The following HELQ variants were observed in gnomAD, a reference collection of about 807,000 sequenced individuals.
The protein encoded by HELQ is helicase, POLQ like, also known as helicase POLQ-like.
A neutral mutation model predicts 111.6 loss-of-function variants in HELQ; 77 were observed. That is an observed-to-expected ratio of 0.69 (90% CI 0.57 to 0.83). The LOEUF is 0.83. HELQ is among the 40% of genes least tolerant of loss of function. HELQ has a pLI of 0.00. For synonymous variants in HELQ, 438 were observed against 454.7 expected, an observed-to-expected ratio of 0.96 and a Z score of 0.47; for missense variants, 1,200 against 1,288.5, an observed-to-expected ratio of 0.93 and a Z score of 1.05.
Position 83,453,887 on chromosome 4 carries a change from A to C in HELQ, c.356T>G (p.Phe119Cys). The C allele has an allele frequency of 6.2e-7, 1 of 1,613,978 alleles. No individual in the cohort carries two copies. Residue 119 changes from phenylalanine (F) to cysteine (C), a missense_variant, in exon 2 of 18, where the codon TTT becomes TGT. Around this residue, in one of 3 missense-constraint regions of HELQ, gnomAD observed 610 missense variants for 607.1 expected, o/e 1.00. Coordinates refer to ENST00000295488, the MANE Select transcript of HELQ (RefSeq NM_133636.5). ...GDYDSFTENS[F>C]IAQVDDLEQK... ...TTCCAGGTCGTCAACTTGAGCTATA[A>C]AGGAGTTTTCAGTAAAGCTATCATA...
At chr4:83,410,163 C>A (rs1739013096) in intron 17 of HELQ, among the ~76,000 whole-genome samples, 1 of 152,130 alleles carries the variant, frequency 6.6e-6, no homozygotes, top group South Asian at 2.1e-4. Flanking sequence ...AAGGTGGGAT[C>A]ACCTGAGCCT....
intron 11 of HELQ, 28 bp from the exon 12 acceptor site, chr4:83,429,774 C>G (rs1157456806): frequency 6.7e-7 from 1 of 1,481,962 alleles, no homozygotes; most frequent in African/African-American, 1.4e-5. Context: ...ATCATTGGAG[C>G]ATTTTCCTTA....
chr4:83,446,997 G>A lies in HELQ; in HGVS notation c.1230C>T (p.Phe410=). Residue 410 remains phenylalanine (F), a synonymous_variant, in exon 4 of 18, where the codon TTC becomes TTT. Transcript: ENST00000295488. ...TGCTTCCAGCATATTCTTCAACAAAGAAACCGAGTTCTATACCAAAACTTG... is the reference window on the plus strand; with the variant it reads ...TGCTTCCAGCATATTCTTCAACAAAAAAACCGAGTTCTATACCAAAACTTG... The part of the protein sequence containing the change: ...GLSSFGIELG[F]FVEEYAGSKG... 6.2e-7 allele frequency: 1 copy of A among 1,613,600 alleles called. No individual in the cohort carries two copies. Among genetic ancestry groups the A allele is most frequent in the Non-Finnish European group, 8.5e-7 (1 of 1,179,606 alleles).
At chr4:83,448,499 G>A (rs1365276091) in intron 3 of HELQ, among the ~76,000 whole-genome samples, 5 of 151,708 alleles carry the variant, frequency 3.3e-5, no homozygotes, top group African/African-American at 7.3e-5. Flanking sequence ...GTGAAACCCC[G>A]CCTCTACTAA....
intron 17 of HELQ, among the ~76,000 whole-genome samples, chr4:83,412,807 G>C (rs896076314): frequency 6.6e-6 from 1 of 152,144 alleles, no homozygotes; most frequent in Non-Finnish European, 1.5e-5. Context: ...CTGGGCAACA[G>C]AGCAAGACCC....
In HELQ at chr4:83,446,834, C is replaced by T. The variant is rs1204572485; in HGVS notation, c.1392+1G>A. On this transcript the variant is annotated splice_donor_variant, in intron 4 of 17. Transcript: ENST00000295488. LOFTEE classifies it high-confidence loss of function. Reference sequence around the variant, plus strand: ...GACAAATTACAAAAGTATTAACCAACCTCGTCTACAACAACCAGACCCAGA... The same window carrying T: ...GACAAATTACAAAAGTATTAACCAATCTCGTCTACAACAACCAGACCCAGA... 2.2e-5 allele frequency: 35 copies of T among 1,594,334 alleles called. No individual in the cohort carries two copies. The highest frequency in any genetic ancestry group is 3.0e-5 in the Non-Finnish European group (35 of 1,164,986).
intron 12 of HELQ, among the ~76,000 whole-genome samples, chr4:83,428,491 A>G (rs1719964269): frequency 6.6e-6 from 1 of 152,082 alleles, no homozygotes; most frequent in South Asian, 2.1e-4. Flanking sequence ...AGCCCAGGAG[A>G]CGAAGGTTGC....
intron 3 of HELQ, among the ~76,000 whole-genome samples, chr4:83,447,274 A>C (rs543606378): frequency 2.0e-5 from 3 of 152,240 alleles, no homozygotes; most frequent in South Asian, 4.1e-4. Context: ...CTGAGTCCAG[A>C]GAATTGAGGC....
chr4:83,435,224 A>G (rs969871751), intron 9 of HELQ, among the ~76,000 whole-genome samples: 9 of 152,206 alleles, frequency 5.9e-5, no homozygotes, highest in African/African-American at 2.2e-4. Flanking sequence ...AGCTGTATCA[A>G]GTCAATGCAT....
intron 16 of HELQ, among the ~76,000 whole-genome samples, chr4:83,417,862 T>TTA (rs1424340803): frequency 6.6e-6 from 1 of 151,922 alleles, no homozygotes; most frequent in Non-Finnish European, 1.5e-5. Flanking sequence ...ACCCTTCCTG[T>TTA]TATGTTTTTT....
intron 9 of HELQ, among the ~76,000 whole-genome samples, chr4:83,435,466 G>A (rs1028927121): frequency 6.6e-6 from 1 of 152,028 alleles, no homozygotes; most frequent in East Asian, 1.9e-4. Context: ...TGCTAGTGAA[G>A]TGTAAAAGTG....
At chr4:83,443,170 T>A (rs1052545486) in intron 6 of HELQ, among the ~76,000 whole-genome samples, 1 of 152,034 alleles carries the variant, frequency 6.6e-6, no homozygotes, top group Non-Finnish European at 1.5e-5. Context: ...AATGTGCCAA[T>A]AACTCAAAAC....
Position 83,441,192 on chromosome 4 carries a change from C to T in HELQ, c.1662+113G>A, listed in dbSNP as rs185878890. On this transcript the variant is annotated intron_variant, in intron 7 of 17. Transcript: ENST00000295488. ...TGCATGGTGTCCAACAAATGTCAAG[C>T]ATCAGCTGTTTCTCTGAAAAATCTA... 1.1e-5 allele frequency: 7 copies of T among 651,810 alleles called. No individual in the cohort carries two copies. In the East Asian group the frequency reaches 2.1e-4, roughly 19 times the overall value. The allele number at this position is 651,810 out of a possible 1,614,324, so 40.4% of individuals were successfully genotyped here.
At chr4:83,430,972 A>G (rs1482496340) in intron 11 of HELQ, among the ~76,000 whole-genome samples, 2 of 152,122 alleles carry the variant, frequency 1.3e-5, no homozygotes, top group Non-Finnish European at 2.9e-5. Flanking sequence ...AGTTTTTGAC[A>G]TAGTAATTGA....
chr4:83,427,420 C>G, intron 13 of HELQ, 143 bp downstream of exon 13: 2 of 512,952 alleles, frequency 3.9e-6, no homozygotes, highest in Non-Finnish European at 6.6e-6. Flanking sequence ...TTTGGGAGGA[C>G]AATGTGGGAA....
At chr4:83,412,974 C>T (rs1428539477) in intron 17 of HELQ, among the ~76,000 whole-genome samples, 1 of 152,218 alleles carries the variant, frequency 6.6e-6, no homozygotes, top group Non-Finnish European at 1.5e-5. Flanking sequence ...AAATCATACC[C>T]TTTCTGTCCA....
chr4:83,416,599 A>G (rs1485675449), intron 17 of HELQ, 132 bp downstream of exon 17: 6 of 882,420 alleles, frequency 6.8e-6, no homozygotes, highest in Admixed American at 2.7e-5. Flanking sequence ...ACTCACAAAT[A>G]AGAGTATGTA....
chr4:83,443,440 T>A, intron 6 of HELQ, 77 bp downstream of exon 6: 1 of 664,026 alleles, frequency 1.5e-6, no homozygotes, highest in Non-Finnish European at 2.6e-6. Flanking sequence ...ATTCTTTAAA[T>A]CCTATGTTTA....
Position 83,432,210 on chromosome 4 carries a change from T to C in HELQ, c.2106A>G (p.Lys702=), listed in dbSNP as rs768336210. The C allele has an allele frequency of 6.3e-6, 10 of 1,593,202 alleles. No homozygotes were observed. Among genetic ancestry groups the C allele is most frequent in the Non-Finnish European group, 8.6e-6 (10 of 1,168,388 alleles). ...AKEFLKRNQY[K]QMIGRAGRAG... ...CACGACCAGCTCTGCCAATCATCTG[T>C]TTATATTGATTCCTCTTTAAAAATT... The change falls in exon 10 of 18, where the codon AAA becomes AAG. Residue 702 remains lysine (K), a synonymous_variant. Transcript: ENST00000295488.
Sources: gnomAD v4.1 joint callset for allele counts (sites outside exome capture counted in the v4.1 genomes callset) on GRCh38, gnomAD v4.1.1 for gene constraint, gnomAD v4.1.1 regional missense constraint, MANE v1.5 for transcripts, NCBI Gene and HGNC (gene_info 2026-07-23, HGNC 2026-07-21) for gene names.